The following FNDC3A variants were observed in gnomAD, a reference collection of about 807,000 sequenced individuals.
The protein encoded by FNDC3A is fibronectin type III domain containing 3A, also known as fibronectin type-III domain-containing protein 3A.
Under a neutral mutation model 148.9 loss-of-function variants are expected in FNDC3A, and 32 were observed. The observed-to-expected ratio is 0.21, with a 90% CI of 0.16 to 0.29. The LOEUF (loss-of-function observed/expected upper bound fraction) is 0.29, where lower values mean the gene tolerates loss of function less well. FNDC3A is among the 10% of genes least tolerant of loss of function. The probability of loss-of-function intolerance (pLI) is 1.00; values close to 1 mark genes in which losing one functional copy is unlikely to be tolerated. For synonymous variants in FNDC3A, 472 were observed against 473.6 expected (o/e 1.00, Z 0.04); for missense variants, 1,191 against 1,452.8 (o/e 0.82, Z 2.93).
At chr13:49,152,640 G>T (rs1393118515) in intron 8 of FNDC3A, among the ~76,000 whole-genome samples, 1 of 151,618 alleles carries the variant, frequency 6.6e-6, no homozygotes, top group Admixed American at 6.6e-5. Flanking sequence ...CTAGCATTAG[G>T]TATATCTCCC....
intron 3 of FNDC3A, among the ~76,000 whole-genome samples, chr13:49,104,596 T>C (rs1880054336): frequency 6.6e-6 from 1 of 152,110 alleles, no homozygotes; most frequent in South Asian, 2.1e-4. Context: ...TTTCAAGTCA[T>C]TTGGTAGAAT....
At chr13:49,071,490 A>G (rs61275353) in intron 2 of FNDC3A, among the ~76,000 whole-genome samples, 6,927 of 152,160 alleles carry the variant, frequency 0.046, 489 homozygotes, top group African/African-American at 0.15. Flanking sequence ...TTACATTCCT[A>G]CCAACAGTGT....
At chr13:49,018,463 A>G (rs971212280) in intron 2 of FNDC3A, among the ~76,000 whole-genome samples, 33 of 152,262 alleles carry the variant, frequency 2.2e-4, no homozygotes, top group Admixed American at 3.3e-4. Context: ...CAGCTCCTTT[A>G]AGCACTTCTC....
chr13:49,170,840 C>T (rs1884718045), intron 10 of FNDC3A, among the ~76,000 whole-genome samples: 1 of 152,142 alleles, frequency 6.6e-6, no homozygotes, highest in African/African-American at 2.4e-5. Context: ...TTAAGGTGGA[C>T]ATTTTAATAG....
At chr13:49,116,618 T>C (rs755720928) in intron 4 of FNDC3A, among the ~76,000 whole-genome samples, 2 of 152,098 alleles carry the variant, frequency 1.3e-5, no homozygotes, top group Non-Finnish European at 2.9e-5. Flanking sequence ...AAACCCTGTC[T>C]CTACAAAAAA....
At chr13:49,115,028 G>T (rs1003401356) in intron 4 of FNDC3A, among the ~76,000 whole-genome samples, 1 of 152,054 alleles carries the variant, frequency 6.6e-6, no homozygotes, top group Non-Finnish European at 1.5e-5. Flanking sequence ...AGGTTGTAAA[G>T]GTGCCTACAC....
chr13:49,085,651 C>T (rs1158960423), intron 3 of FNDC3A, among the ~76,000 whole-genome samples: 1 of 152,154 alleles, frequency 6.6e-6, no homozygotes, highest in African/African-American at 2.4e-5. Flanking sequence ...TACACGTATA[C>T]CATTTCTTCC....
chr13:49,084,864 G>T (rs750515323), intron 3 of FNDC3A, among the ~76,000 whole-genome samples: 2 of 152,054 alleles, frequency 1.3e-5, no homozygotes, highest in Non-Finnish European at 2.9e-5. Flanking sequence ...GCCAGTAGGG[G>T]TTTATCCTTT....
At chr13:49,074,137 G>C (rs1366445080) in intron 2 of FNDC3A, among the ~76,000 whole-genome samples, 2 of 152,030 alleles carry the variant, frequency 1.3e-5, no homozygotes, top group Non-Finnish European at 2.9e-5. Flanking sequence ...TTGGTTACAT[G>C]AATAAGTTCT....
chr13:49,110,208 T>TA, intron 3 of FNDC3A: 1 of 571,610 alleles, frequency 1.7e-6, no homozygotes, highest in Non-Finnish European at 2.8e-6. Flanking sequence ...ACGTTTGCTT[T>TA]TTTTTCCCCC....
rs572382115 is a variant in FNDC3A at position 49,000,412 on chromosome 13, G to T, written c.-39-5740G>T. On this transcript the variant is annotated intron_variant, in intron 1 of 25. Transcript: ENST00000492622. ...ATATATGCTAAAGACTTATTTCTAG[G>T]CTCTCTATTCTATTTCACTAGTCTG... Among the ~76,000 whole-genome samples the T allele has an allele frequency of 3.3e-5, 5 of 152,158 alleles. No individual in the cohort carries two copies. The South Asian group carries it at 1.0e-3, about 32-fold the overall frequency.
At chr13:49,071,061 C>CTT (rs35935869) in intron 2 of FNDC3A, among the ~76,000 whole-genome samples, 2,635 of 84,718 alleles carry the variant, frequency 0.031, 266 homozygotes, top group Non-Finnish European at 0.038. Flanking sequence ...CCCATGCCGG[C>CTT]TTTTTTTTTT....
intron 3 of FNDC3A, among the ~76,000 whole-genome samples, chr13:49,113,326 T>C (rs1880706109): frequency 6.6e-6 from 1 of 150,926 alleles, no homozygotes; most frequent in Non-Finnish European, 1.5e-5. Flanking sequence ...CCCCGTTTAG[T>C]AGTTTCCCTC....
At chr13:49,066,495 G>A (rs567169355) in intron 2 of FNDC3A, among the ~76,000 whole-genome samples, 1 of 152,090 alleles carries the variant, frequency 6.6e-6, no homozygotes, top group Non-Finnish European at 1.5e-5. Context: ...ACACTGTGCT[G>A]TATGTTTTAC....
intron 3 of FNDC3A, chr13:49,110,205 C>CT (rs3834947): frequency 0.47 from 244,014 of 513,876 alleles, 59,288 homozygotes; most frequent in Non-Finnish European, 0.5. Context: ...GGAACGTTTG[C>CT]TTTTTTTTCC....
At chr13:49,013,435 G>A (rs1952401318) in intron 2 of FNDC3A, among the ~76,000 whole-genome samples, 1 of 150,334 alleles carries the variant, frequency 6.7e-6, no homozygotes, top group African/African-American at 2.4e-5. Context: ...GTGCAGGTTA[G>A]TTACATATGT....
intron 3 of FNDC3A, among the ~76,000 whole-genome samples, chr13:49,099,257 T>C (rs1879716592): frequency 6.6e-6 from 1 of 152,156 alleles, no homozygotes; most frequent in South Asian, 2.1e-4. Context: ...AGTAAGTAGC[T>C]CATCTGTCTC....
chr13:49,195,764 A>AGAGTTTTCG (rs1350543734), intron 19 of FNDC3A, among the ~76,000 whole-genome samples: 5 of 152,134 alleles, frequency 3.3e-5, no homozygotes, highest in Admixed American at 1.3e-4. Flanking sequence ...TGAGTTTCTT[A>AGAGTTTTCG]GAGTTTTCGT....
chr13:49,102,177 G>GT (rs1455249585), intron 3 of FNDC3A, among the ~76,000 whole-genome samples: 2 of 151,024 alleles, frequency 1.3e-5, no homozygotes, highest in Non-Finnish European at 3.0e-5. Flanking sequence ...TATTCTTATT[G>GT]TTTTTTCTAT....
Sources: gnomAD v4.1 joint callset for allele counts (sites outside exome capture counted in the v4.1 genomes callset) on GRCh38, gnomAD v4.1.1 for gene constraint, MANE v1.5 for transcripts, NCBI Gene and HGNC (gene_info 2026-07-23, HGNC 2026-07-21) for gene names.